Variants in NDUFA10 observed in about 807,000 individuals in gnomAD.
NDUFA10 encodes the protein NADH:ubiquinone oxidoreductase subunit A10, also known as NADH dehydrogenase [ubiquinone] 1 alpha subcomplex subunit 10, mitochondrial.
Under a neutral mutation model 47.8 loss-of-function variants are expected in NDUFA10, and 40 were observed. The observed-to-expected ratio is 0.84, with a 90% CI of 0.65 to 1.09. The LOEUF (loss-of-function observed/expected upper bound fraction) is 1.09. NDUFA10 is among the 50% of genes least tolerant of loss of function. The probability of loss-of-function intolerance (pLI) is 0.00; values close to 1 mark genes in which losing one functional copy is unlikely to be tolerated. For missense variants in NDUFA10, 413 were observed against 451.1 expected, an observed-to-expected ratio of 0.92 and a Z score of 0.76; for synonymous variants, 183 against 172.2, an observed-to-expected ratio of 1.06 and a Z score of -0.49.
At chr2:239,919,818 C>T (rs544162959) in intron 4 of NDUFA10, among the ~76,000 whole-genome samples, 6 of 152,224 alleles carry the variant, frequency 3.9e-5, no homozygotes, top group Non-Finnish European at 7.3e-5. Flanking sequence ...ACTCTGAGTT[C>T]TCCTGCCATT....
At chr2:239,910,242 T>C (rs1693726655) in intron 4 of NDUFA10, among the ~76,000 whole-genome samples, 1 of 152,224 alleles carries the variant, frequency 6.6e-6, no homozygotes, top group Non-Finnish European at 1.5e-5. Context: ...TATAAATCAT[T>C]CTATTATAAA....
At chr2:239,954,898 G>A (rs1161168935), downstream of NDUFA10, among the ~76,000 whole-genome samples, 2 of 152,142 alleles carry the variant, frequency 1.3e-5, no homozygotes, top group Non-Finnish European at 2.9e-5. Flanking sequence ...CTGCACTGCC[G>A]CCCGACCTGC....
chr2:239,944,110 A>C (rs6437338), intron 4 of NDUFA10, among the ~76,000 whole-genome samples: 117,095 of 152,122 alleles, frequency 0.77, 45,427 homozygotes, highest in African/African-American at 0.87. Context: ...GGTGCCCGCA[A>C]AATGAGCCAC....
At chr2:240,015,001 A>G in intron 4 of NDUFA10, 141 bp from the exon 5 acceptor site, 5 of 1,264,426 alleles carry the variant, frequency 4.0e-6, no homozygotes, top group Non-Finnish European at 5.6e-6. Flanking sequence ...TCTCGGTCAC[A>G]GTTCTAAGCA....
At chr2:239,982,657 T>C (rs956923123) in intron 9 of NDUFA10, among the ~76,000 whole-genome samples, 2 of 152,232 alleles carry the variant, frequency 1.3e-5, no homozygotes, top group Non-Finnish European at 2.9e-5. Flanking sequence ...TAGCTATGCC[T>C]GTTGTCTCCA....
intron 9 of NDUFA10, chr2:239,973,556 C>G (rs1478088932): frequency 2.1e-6 from 1 of 469,184 alleles, no homozygotes; most frequent in African/African-American, 2.0e-5. Context: ...TGGACACGAT[C>G]AGCTTCAAGG....
intron 8 of NDUFA10, among the ~76,000 whole-genome samples, chr2:240,000,384 TTAAC>T (rs1696655265): frequency 1.3e-5 from 2 of 152,040 alleles, no homozygotes; most frequent in African/African-American, 2.4e-5. Flanking sequence ...TGTTTGTATC[TTAAC>T]TAACAACAAC....
At chr2:239,988,620 TCAACA>T (rs1461081197) in intron 9 of NDUFA10, among the ~76,000 whole-genome samples, 1 of 151,606 alleles carries the variant, frequency 6.6e-6, no homozygotes, top group Non-Finnish European at 1.5e-5. Flanking sequence ...AGCCTGGAGG[TCAACA>T]GGAAGAAGCG....
chr2:240,010,784 C>T (rs1261746895), intron 6 of NDUFA10, among the ~76,000 whole-genome samples: 1 of 152,114 alleles, frequency 6.6e-6, no homozygotes. Flanking sequence ...TAAGGCTGTT[C>T]ATTGTAAATA....
At chr2:239,982,628 T>C (rs539665688) in intron 9 of NDUFA10, among the ~76,000 whole-genome samples, 1 of 152,340 alleles carries the variant, frequency 6.6e-6, no homozygotes, top group South Asian at 2.1e-4. Flanking sequence ...TATCTCTTCC[T>C]ATACACTTTC....
At position 240,011,906 on chromosome 2, in the gene NDUFA10, G is replaced by A. The variant is rs1697159623; in HGVS notation, c.670-210C>T. The A allele has an allele frequency of 5.1e-5, 31 of 604,088 alleles. No homozygotes were observed. In the South Asian group the frequency reaches 5.4e-4, roughly 11 times the overall value. The allele number at this position is 604,088 out of a possible 1,614,324, so 37.4% of individuals were successfully genotyped here. A position where few individuals can be genotyped will look rare whatever the true frequency, so the allele number is the denominator to read the frequency against. On this transcript the variant is annotated intron_variant, in intron 5 of 9. Transcript: ENST00000252711. ...ACAGTGAACACCTGAGCCTGCCCAAGTGCTCCCATAGCGTGACTTTCTCCA... is the reference window on the plus strand; with the variant it reads ...ACAGTGAACACCTGAGCCTGCCCAAATGCTCCCATAGCGTGACTTTCTCCA...
chr2:239,994,410 C>A (rs920777563), intron 8 of NDUFA10, among the ~76,000 whole-genome samples: 2 of 151,958 alleles, frequency 1.3e-5, no homozygotes, highest in Non-Finnish European at 2.9e-5. Context: ...AGTTTGCACA[C>A]TCCTTATGAG....
chr2:239,913,180 G>A (rs540762856), intron 4 of NDUFA10, among the ~76,000 whole-genome samples: 1 of 152,354 alleles, frequency 6.6e-6, no homozygotes, highest in African/African-American at 2.4e-5. Context: ...TCTGCCAGCT[G>A]GTTGAAAGAG....
intron 4 of NDUFA10, among the ~76,000 whole-genome samples, chr2:239,916,053 C>CAGA (rs1559278562): frequency 1.3e-5 from 2 of 149,094 alleles, no homozygotes; most frequent in Admixed American, 1.3e-4. Context: ...CACAAACATA[C>CAGA]ACACACACAT....
At chr2:240,012,398 C>T (rs147819183) in intron 5 of NDUFA10, 264 of 157,994 alleles carry the variant, frequency 1.7e-3, no homozygotes, top group Non-Finnish European at 2.8e-3. Flanking sequence ...TATGAGCTCA[C>T]GGGTGAGGAC....
intron 4 of NDUFA10, among the ~76,000 whole-genome samples, chr2:239,905,902 A>G (rs59800764): frequency 0.98 from 143,669 of 146,102 alleles, 70,658 homozygotes; most frequent in East Asian, 1. Flanking sequence ...AAGCAGTCCA[A>G]GTGGGAGAGG....
chr2:239,972,283 CA>C lies in NDUFA10; in HGVS notation c.1000-11098del, dbSNP rs943044877. ...TATTACTGTAAATATATAAATTAAA[CA>C]AAAAAACGATTGAGTGAGGGCCTGT... On this transcript the variant is annotated intron_variant, in intron 9 of 9. Transcript: ENST00000252711. Among the ~76,000 whole-genome samples the C allele has an allele frequency of 3.3e-5, 5 of 151,758 alleles. No individual in the cohort carries two copies. In the East Asian group the frequency reaches 9.7e-4, roughly 29 times the overall value.
intron 9 of NDUFA10, among the ~76,000 whole-genome samples, chr2:239,962,818 G>A (rs1302156779): frequency 6.6e-6 from 1 of 152,150 alleles, no homozygotes; most frequent in Non-Finnish European, 1.5e-5. Context: ...GCAAGAGCAA[G>A]AGCATGAGGC....
At chr2:239,986,568 T>C (rs1263885786) in intron 9 of NDUFA10, among the ~76,000 whole-genome samples, 1 of 152,174 alleles carries the variant, frequency 6.6e-6, no homozygotes, top group Non-Finnish European at 1.5e-5. Flanking sequence ...TGTATCTGAA[T>C]AAACAGGAAT....
Sources: gnomAD v4.1 joint callset for allele counts (sites outside exome capture counted in the v4.1 genomes callset) on GRCh38, gnomAD v4.1.1 for gene constraint, MANE v1.5 for transcripts, NCBI Gene and HGNC (gene_info 2026-07-23, HGNC 2026-07-21) for gene names.